Variants in ANKRD30A observed in about 807,000 individuals in gnomAD.
The protein encoded by ANKRD30A is ankyrin repeat domain 30A.
A neutral mutation model predicts 166.3 loss-of-function variants in ANKRD30A; 170 were observed. The observed-to-expected ratio is 1.02, with a 90% CI of 0.90 to 1.16. The LOEUF is 1.16. ANKRD30A is among the 50% of genes most tolerant of loss of function. The probability of loss-of-function intolerance (pLI) is 0.00; values close to 1 mark genes in which losing one functional copy is unlikely to be tolerated. For synonymous variants in ANKRD30A, 564 were observed against 508.9 expected (o/e 1.11, Z -1.46); for missense variants, 1,630 against 1,518.0 (o/e 1.07, Z -1.23).
rs992682714 is a variant in ANKRD30A, at chr10:37,163,883, A to T, written c.2002+1035A>T. ...GCTGATTTCTTAGTCATTAGAAATT[A>T]AAAGTAACATATTTAAAGTATTTCC... On this transcript the variant is annotated intron_variant, in intron 17 of 35. Coordinates refer to ENST00000361713, the MANE Select transcript of ANKRD30A (RefSeq NM_052997.3). Among the ~76,000 whole-genome samples, 2 of 117,064 alleles carry T rather than the reference A, an allele frequency of 1.7e-5. 1 individual carries two copies. Among genetic ancestry groups the T allele is most frequent in the Admixed American group, 1.9e-4 (2 of 10,800 alleles). 76.8% of individuals were successfully genotyped at this position (117,064 alleles called of 152,430 possible).
intron 7 of ANKRD30A, among the ~76,000 whole-genome samples, chr10:37,143,332 C>T (rs572706206): frequency 4.6e-5 from 7 of 152,238 alleles, no homozygotes; most frequent in African/African-American, 1.7e-4. Context: ...CAGAGATTGG[C>T]AAACTTTTCC....
chr10:37,249,250 G>A, the ANKRD30A span, among the ~76,000 whole-genome samples: 1 of 152,138 alleles, frequency 6.6e-6, no homozygotes, highest in Non-Finnish European at 1.5e-5. Context: ...TATTGTTTCT[G>A]TTGTCTCCCA....
chr10:37,263,738 C>T, the ANKRD30A span, among the ~76,000 whole-genome samples: 1 of 152,044 alleles, frequency 6.6e-6, no homozygotes, highest in Admixed American at 6.6e-5. Flanking sequence ...TCCTGCTGTG[C>T]AGCCTGGTTC....
the ANKRD30A span, chr10:37,240,786 G>A: frequency 1.3e-5 from 2 of 152,150 alleles, no homozygotes; most frequent in Admixed American, 1.3e-4. Flanking sequence ...GTGTGTTCCA[G>A]TAGTGCCCTA....
the ANKRD30A span, among the ~76,000 whole-genome samples, chr10:37,260,533 T>C: frequency 6.6e-6 from 1 of 152,178 alleles, no homozygotes; most frequent in Admixed American, 6.5e-5. Context: ...AACTTAACTG[T>C]GGAGAAACAG....
At chr10:37,205,090 C>G (rs1007598375) in intron 31 of ANKRD30A, among the ~76,000 whole-genome samples, 31 of 152,080 alleles carry the variant, frequency 2.0e-4, no homozygotes. Flanking sequence ...CCAGGGATCC[C>G]ATTACTGGTT....
chr10:37,260,472 T>C, the ANKRD30A span, among the ~76,000 whole-genome samples: 4 of 152,172 alleles, frequency 2.6e-5, no homozygotes, highest in African/African-American at 9.7e-5. Context: ...AGGCCCTCTG[T>C]TTAGGGCAGC....
At position 37,220,029 on chromosome 10, in the gene ANKRD30A, A is replaced by ATATATATATATATATATATATG. The variant is rs1366777838; in HGVS notation, c.4185+132_4185+133insTATATATATATATATATATATG. On this transcript the variant is annotated intron_variant, in intron 34 of 35. Coordinates refer to ENST00000361713, the MANE Select transcript of ANKRD30A (RefSeq NM_052997.3). ...TATATATATATATATATATATATAT[A>ATATATATATATATATATATATG]ATATATGTATGTATAAATAGATGAT... The ATATATATATATATATATATATG allele has an allele frequency of 1.2e-4, 18 of 148,446 alleles. 1 individual carries two copies. Among genetic ancestry groups the ATATATATATATATATATATATG allele is most frequent in the South Asian group, 2.1e-4 (1 of 4,740 alleles). 9.2% of individuals were successfully genotyped at this position (148,446 alleles called of 1,614,324 possible). A position where few individuals can be genotyped will look rare whatever the true frequency, so the allele number is the denominator to read the frequency against.
At chr10:37,148,650 GCAGGAGTCTTACTAGAA>G (rs1837686981) in intron 9 of ANKRD30A, among the ~76,000 whole-genome samples, 1 of 152,016 alleles carries the variant, frequency 6.6e-6, no homozygotes, top group Non-Finnish European at 1.5e-5. Context: ...ACTACCAGAA[GCAGGAGTCTTACTAGAA>G]TTGGAGAAAC....
intron 31 of ANKRD30A, among the ~76,000 whole-genome samples, chr10:37,211,989 A>T (rs1436829599): frequency 6.6e-6 from 1 of 151,750 alleles, no homozygotes; most frequent in Non-Finnish European, 1.5e-5. Context: ...CACCACTCCT[A>T]TTCAACATAG....
At chr10:37,248,906 C>T in the ANKRD30A span, among the ~76,000 whole-genome samples, 5 of 152,088 alleles carry the variant, frequency 3.3e-5, no homozygotes, top group East Asian at 9.7e-4. Flanking sequence ...TAGATGTGTT[C>T]CTGGCCAGTG....
chr10:37,265,097 G>A, the ANKRD30A span, among the ~76,000 whole-genome samples: 3 of 152,120 alleles, frequency 2.0e-5, no homozygotes, highest in Non-Finnish European at 4.4e-5. Context: ...CTATGAACCA[G>A]CATCTCTCAT....
chr10:37,210,860 A>T (rs959600467), intron 31 of ANKRD30A, among the ~76,000 whole-genome samples: 18 of 151,954 alleles, frequency 1.2e-4, no homozygotes, highest in African/African-American at 4.1e-4. Context: ...TACATTCTGG[A>T]TATTAGCCCT....
chr10:37,262,310 T>C, the ANKRD30A span, among the ~76,000 whole-genome samples: 2 of 152,222 alleles, frequency 1.3e-5, no homozygotes, highest in Admixed American at 6.5e-5. Flanking sequence ...TGAATCTGCC[T>C]GTATGTTCCC....
At chr10:37,161,071 G>T (rs996552111) in intron 15 of ANKRD30A, among the ~76,000 whole-genome samples, 1 of 152,178 alleles carries the variant, frequency 6.6e-6, no homozygotes, top group African/African-American at 2.4e-5. Context: ...GACTAACAAG[G>T]CGAAACCCTG....
chr10:37,241,215 A>G, the ANKRD30A span: 208 of 151,874 alleles, frequency 1.4e-3, no homozygotes, highest in African/African-American at 4.7e-3. Context: ...TGGCTCCTCT[A>G]GGATCTACTA....
chr10:37,258,804 A>T, the ANKRD30A span, among the ~76,000 whole-genome samples: 1 of 151,770 alleles, frequency 6.6e-6, no homozygotes, highest in Non-Finnish European at 1.5e-5. Flanking sequence ...TCTACTAAAA[A>T]TACAAAAAAT....
At chr10:37,192,944 A>G (rs1484982638) in intron 25 of ANKRD30A, 120 bp from the exon 26 acceptor site, 2 of 1,468,724 alleles carry the variant, frequency 1.4e-6, no homozygotes, top group East Asian at 4.6e-5. Flanking sequence ...CCCAAAAGCT[A>G]GTGTAATCCC....
intron 25 of ANKRD30A, among the ~76,000 whole-genome samples, chr10:37,189,880 C>T (rs1454797039): frequency 7.9e-5 from 12 of 151,638 alleles, no homozygotes; most frequent in Admixed American, 3.9e-4. Context: ...TATGAAGGAA[C>T]AAGAAGCAGG....
Sources: gnomAD v4.1 joint callset for allele counts (sites outside exome capture counted in the v4.1 genomes callset) on GRCh38, gnomAD v4.1.1 for gene constraint, MANE v1.5 for transcripts, NCBI Gene and HGNC (gene_info 2026-07-23, HGNC 2026-07-21) for gene names.